Variants in ASPM observed in about 807,000 individuals in gnomAD.
The protein encoded by ASPM is assembly factor for spindle microtubules.
A neutral mutation model predicts 366.4 loss-of-function variants in ASPM; 256 were observed. The observed-to-expected ratio is 0.70, with a 90% CI of 0.63 to 0.77. The LOEUF (loss-of-function observed/expected upper bound fraction) is 0.77, where lower values mean the gene tolerates loss of function less well. Ranked by LOEUF, ASPM falls within the 30% of genes least tolerant of loss-of-function variation. The pLI is 0.00. For synonymous variants in ASPM, 1,414 were observed against 1,342.9 expected (o/e 1.05, Z -1.16); for missense variants, 4,146 against 4,090.4 (o/e 1.01, Z -0.37).
At chr1:197,086,999 A>G (rs1286559065) in intron 26 of ASPM, 27 bp from the exon 27 acceptor site, 2 of 1,581,028 alleles carry the variant, frequency 1.3e-6, no homozygotes, top group East Asian at 2.3e-5. Context: ...ACAGTTACTA[A>G]AAAGTAATAA....
At chr1:197,091,167 A>AG (rs1656774348) in intron 22 of ASPM, 126 bp from the exon 23 acceptor site, 1 of 894,294 alleles carries the variant, frequency 1.1e-6, no homozygotes, top group East Asian at 2.7e-5. Context: ...TCAGCTTTCC[A>AG]CAGAGGCATT....
rs747991162 is a variant in ASPM at position 197,142,925 on chromosome 1, C to A, written c.1327G>T (p.Gly443Cys). The change falls in exon 3 of 28, where the codon GGT becomes TGT. Residue 443 changes from glycine to cysteine, a missense_variant. Physicochemically the swap from Gly to Cys is radical, Grantham distance 159 (BLOSUM62 -3). Coordinates refer to ENST00000367409, the MANE Select transcript of ASPM (RefSeq NM_018136.5). ...AAAATAGCTTTGGGAGATTTTGAAC[C>A]CTGACATTCAGGAATACGTGGCGAA... is the stretch of plus-strand genomic sequence containing the variant. ...EVSPRIPECQ[G>C]SKSPKAIFEE... is the part of the protein sequence containing the mutation. 6.2e-7 allele frequency: 1 copy of A among 1,613,864 alleles called. No homozygotes were observed. Among genetic ancestry groups the A allele is most frequent in the East Asian group, 2.2e-5 (1 of 44,864 alleles).
chr1:197,138,931 CT>C (rs1658499456), intron 4 of ASPM: 6 of 798,094 alleles, frequency 7.5e-6, no homozygotes, highest in Non-Finnish European at 6.6e-6. Context: ...TCCTGCAGCT[CT>C]TTTTCAGCTT....
intron 8 of ASPM, 99 bp downstream of exon 8, chr1:197,129,816 T>A: frequency 7.0e-7 from 1 of 1,422,200 alleles, no homozygotes; most frequent in Non-Finnish European, 9.8e-7. Flanking sequence ...TTTAGATTGG[T>A]TTCTTTGAGA....
At position 197,131,991 on chromosome 1, in the gene ASPM, T is replaced by C. The variant is rs141225800; in HGVS notation, c.2487+294A>G. Reference sequence around the variant, plus strand: ...CAGCCTCGTTTTGGCATTTGTAAATTTGCAAAAATGAGTTTACTATAGTTG... The same window carrying C: ...CAGCCTCGTTTTGGCATTTGTAAATCTGCAAAAATGAGTTTACTATAGTTG... On this transcript the variant is annotated intron_variant, in intron 7 of 27. Transcript: ENST00000367409. 5.9e-3 allele frequency among the ~76,000 whole-genome samples: 894 copies of C among 152,280 alleles called. 10 individuals are homozygous for C. The highest frequency in any genetic ancestry group is 0.02 in the African/African-American group (845 of 41,572).
Position 197,122,481 on chromosome 1 carries a change from C to A in ASPM, c.3505G>T (p.Val1169Leu), listed in dbSNP as rs1657942497. Residue 1169 changes from valine to leucine, a missense_variant, in exon 14 of 28, where the codon GTG becomes TTG. Physicochemically the swap from Val to Leu is conservative, Grantham distance 32. This residue lies in a region of ASPM where 3,624 missense variants were observed against 3,591.7 expected (regional missense o/e 1.01). Transcript: ENST00000367409. ...ACTGAACCAGTTTGCGTACATTCCA[C>A]AGTTTGAGTAGTACGCTGACATATA... ...DAICQRTTQT[V>L]ECTQTGSVVL... The A allele has an allele frequency of 3.7e-6, 6 of 1,613,724 alleles. No individual in the cohort carries two copies.
intron 13 of ASPM, 45 bp downstream of exon 13, chr1:197,124,065 T>C (rs1557956462): frequency 1.3e-6 from 2 of 1,501,808 alleles, no homozygotes; most frequent in South Asian, 1.2e-5. Flanking sequence ...TTCATCAAAA[T>C]TTATTAAAAT....
chr1:197,108,181 A>G (rs1306979046), intron 17 of ASPM, among the ~76,000 whole-genome samples: 1 of 151,496 alleles, frequency 6.6e-6, no homozygotes, highest in Non-Finnish European at 1.5e-5. Context: ...TCATAGAAAA[A>G]GCCTCAAGAG....
chr1:197,129,653 G>A (rs1015087559), intron 8 of ASPM, among the ~76,000 whole-genome samples: 3 of 152,094 alleles, frequency 2.0e-5, no homozygotes, highest in African/African-American at 4.8e-5. Flanking sequence ...TAGATATACA[G>A]TACCAAATTA....
chr1:197,129,264 A>C lies in ASPM; in HGVS notation c.2683T>G (p.Cys895Gly). Residue 895 changes from cysteine (C) to glycine (G), a missense_variant, in exon 9 of 28, where the codon TGT becomes GGT. Cys to Gly is a radical substitution (Grantham distance 159). This residue lies in a region of ASPM where 3,624 missense variants were observed against 3,591.7 expected (regional missense o/e 1.01). Coordinates refer to ENST00000367409, the MANE Select transcript of ASPM (RefSeq NM_018136.5). ...FTLKKLLLLV[C>G]FLDYAKISRL... is the part of the protein sequence containing the mutation. ...GAAATTTTAGCATAATCAAGAAAAC[A>C]GACCAACAACAATAACTTTTTCAAT... is the stretch of plus-strand genomic sequence containing the variant. The C allele has an allele frequency of 6.2e-7, 1 of 1,612,874 alleles. No homozygotes were observed. Among genetic ancestry groups the C allele is most frequent in the Non-Finnish European group, 8.5e-7 (1 of 1,179,036 alleles).
chr1:197,131,176 C>T (rs1299630051), intron 7 of ASPM, among the ~76,000 whole-genome samples: 1 of 152,122 alleles, frequency 6.6e-6, no homozygotes, highest in Non-Finnish European at 1.5e-5. Flanking sequence ...CTCTGGGCCT[C>T]AATTTATTGG....
intron 7 of ASPM, among the ~76,000 whole-genome samples, chr1:197,131,704 G>A (rs533878678): frequency 2.7e-4 from 41 of 151,944 alleles, no homozygotes; most frequent in African/African-American, 8.9e-4. Flanking sequence ...GACTACACGC[G>A]CCCACCATCA....
chr1:197,112,022 A>G (rs532169846), intron 17 of ASPM, among the ~76,000 whole-genome samples: 1 of 152,286 alleles, frequency 6.6e-6, no homozygotes, highest in South Asian at 2.1e-4. Flanking sequence ...TATTTACCCA[A>G]AGGAATATAA....
chr1:197,124,733 T>C, intron 12 of ASPM, 137 bp downstream of exon 12: 1 of 660,168 alleles, frequency 1.5e-6, no homozygotes. Flanking sequence ...ATATATAGCA[T>C]TTATCACAGT....
At chr1:197,128,752 T>G in intron 9 of ASPM, 87 bp from the exon 10 acceptor site, 1 of 1,033,250 alleles carries the variant, frequency 9.7e-7, no homozygotes, top group Non-Finnish European at 1.4e-6. Flanking sequence ...ATTCTGTACA[T>G]ATAAAAATAA....
intron 16 of ASPM, among the ~76,000 whole-genome samples, chr1:197,120,398 C>T (rs1657871501): frequency 6.6e-6 from 1 of 151,948 alleles, no homozygotes; most frequent in Admixed American, 6.6e-5. Context: ...GGTGTGGTGG[C>T]ATGCACCTAT....
At chr1:197,088,136 G>T in intron 26 of ASPM, 120 bp downstream of exon 26, 1 of 1,063,898 alleles carries the variant, frequency 9.4e-7, no homozygotes, top group Non-Finnish European at 1.4e-6. Context: ...GCAAAAAGCA[G>T]GTTTGAACAC....
rs1450258856 is a variant in ASPM, at chr1:197,104,843, T to A, written c.4408A>T (p.Ile1470Phe). 1 of 1,598,024 alleles carries A rather than the reference T, an allele frequency of 6.3e-7. No homozygotes were observed. The change falls in exon 18 of 28, where the codon ATC becomes TTC. Residue 1470 changes from isoleucine to phenylalanine, a missense_variant. This residue lies in a region of ASPM where 3,624 missense variants were observed against 3,591.7 expected (regional missense o/e 1.01). Transcript: ENST00000367409. ...KQAKEENSAI[I>F]IQSWYRMHKE... ...TGCATTCTATACCATGATTGTATGA[T>A]AATAGCAGAATTTTCTTCTTTAGCT...
chr1:197,146,199 G>C lies in ASPM; in HGVS notation c.239C>G (p.Ser80Cys). ...GCCCAGGTCCGCGGCCGGGAAGTGG[G>C]AGATCTTCACTTCTGCCACCTCCTC... is the stretch of plus-strand genomic sequence containing the variant. ...PNEEVAEVKI[S>C]HFPAADLGFS... The change falls in exon 1 of 28, where the codon TCC becomes TGC. Residue 80 changes from serine (S) to cysteine (C), a missense_variant. Around this residue, in one of 3 missense-constraint regions of ASPM, gnomAD observed 512 missense variants for 471.7 expected, o/e 1.09. Transcript: ENST00000367409. The C allele has an allele frequency of 6.2e-7, 1 of 1,614,056 alleles. No homozygotes were observed. Among genetic ancestry groups the C allele is most frequent in the Non-Finnish European group, 8.5e-7 (1 of 1,179,988 alleles).
Sources: gnomAD v4.1 joint callset for allele counts (sites outside exome capture counted in the v4.1 genomes callset) on GRCh38, gnomAD v4.1.1 for gene constraint, gnomAD v4.1.1 regional missense constraint, MANE v1.5 for transcripts, NCBI Gene and HGNC (gene_info 2026-07-23, HGNC 2026-07-21) for gene names.